The following ZDHHC17 variants were observed in gnomAD, a reference collection of about 807,000 sequenced individuals.
The protein encoded by ZDHHC17 is palmitoyltransferase ZDHHC17.
In ZDHHC17, 40 loss-of-function variants were observed where a neutral mutation model predicts 90.3. That is an observed-to-expected ratio of 0.44 (90% CI 0.34 to 0.58). ZDHHC17 has a LOEUF of 0.58. Among genes scored for constraint, ZDHHC17 ranks in the 20% least tolerant of loss-of-function variants. The pLI, the probability that ZDHHC17 is intolerant of heterozygous loss-of-function variation, is 0.01. For missense variants in ZDHHC17, 614 were observed against 780.8 expected (o/e 0.79, Z 2.55); for synonymous variants, 235 against 252.4 (o/e 0.93, Z 0.65).
intron 7 of ZDHHC17, among the ~76,000 whole-genome samples, chr12:76,818,147 A>G (rs1426274051): frequency 2.0e-5 from 3 of 152,284 alleles, no homozygotes; most frequent in Non-Finnish European, 4.4e-5. Flanking sequence ...AAGTCTAAGG[A>G]ATTATTGTAT....
intron 7 of ZDHHC17, among the ~76,000 whole-genome samples, chr12:76,819,200 T>C (rs1317404482): frequency 6.6e-6 from 1 of 152,156 alleles, no homozygotes; most frequent in African/African-American, 2.4e-5. Context: ...ATGAAGGTGA[T>C]AGGAATTGGT....
At chr12:76,771,841 TG>T (rs1398954503) in intron 1 of ZDHHC17, among the ~76,000 whole-genome samples, 1 of 152,094 alleles carries the variant, frequency 6.6e-6, no homozygotes, top group Non-Finnish European at 1.5e-5. Context: ...GAAACATAGT[TG>T]GGCAAAAAGG....
chr12:76,846,283 T>A (rs375504445), intron 13 of ZDHHC17: 28 of 293,508 alleles, frequency 9.5e-5, no homozygotes, highest in Non-Finnish European at 1.6e-4. Context: ...ATTGTAAAGT[T>A]TATAAAAGTA....
chr12:76,826,197 C>G (rs1953227881), intron 8 of ZDHHC17, among the ~76,000 whole-genome samples: 1 of 152,082 alleles, frequency 6.6e-6, no homozygotes, highest in South Asian at 2.1e-4. Context: ...GTGAAGGGCT[C>G]TTACATGGAA....
rs548424671 is a variant in ZDHHC17 at position 76,805,139 on chromosome 12, A to G, written c.198-178A>G. ...TATAAGTGAGACATTTTAGAACTGT[A>G]AAATGGATTAGTAAAAGTTTTTGGA... On this transcript the variant is annotated intron_variant, in intron 2 of 16. Coordinates refer to ENST00000426126, the MANE Select transcript of ZDHHC17 (RefSeq NM_015336.4). Among the ~76,000 whole-genome samples, 7 of 152,308 alleles carry G rather than the reference A, an allele frequency of 4.6e-5. No individual in the cohort carries two copies. In the East Asian group the frequency reaches 1.3e-3, roughly 29 times the overall value.
At chr12:76,837,883 G>A (rs963974043) in intron 10 of ZDHHC17, among the ~76,000 whole-genome samples, 2 of 152,004 alleles carry the variant, frequency 1.3e-5, no homozygotes, top group African/African-American at 4.8e-5. Flanking sequence ...GAACTGCTGG[G>A]CTTAAGTGAT....
At chr12:76,793,512 T>G (rs149563845) in intron 1 of ZDHHC17, among the ~76,000 whole-genome samples, 5 of 152,360 alleles carry the variant, frequency 3.3e-5, no homozygotes, top group African/African-American at 1.2e-4. Flanking sequence ...AGAGTGAGGC[T>G]CTGCCTCAAA....
chr12:76,766,252 T>C (rs984580399), intron 1 of ZDHHC17, among the ~76,000 whole-genome samples: 32 of 152,316 alleles, frequency 2.1e-4, no homozygotes, highest in African/African-American at 7.0e-4. Context: ...TACCGTTCCT[T>C]TTTACCCAAG....
chr12:76,846,437 T>C, intron 13 of ZDHHC17, 159 bp from the exon 14 acceptor site: 1 of 576,294 alleles, frequency 1.7e-6, no homozygotes, highest in Non-Finnish European at 3.1e-6. Context: ...TTAAGATTTT[T>C]ATTAAAACAT....
chr12:76,781,596 C>T (rs1312879340), intron 1 of ZDHHC17: 2 of 455,854 alleles, frequency 4.4e-6, no homozygotes, highest in South Asian at 1.5e-5. Context: ...CTGTCTTGCC[C>T]TTGCACCTTC....
At chr12:76,771,051 GTAT>G (rs1314900402) in intron 1 of ZDHHC17, among the ~76,000 whole-genome samples, 1 of 151,716 alleles carries the variant, frequency 6.6e-6, no homozygotes, top group Non-Finnish European at 1.5e-5. Flanking sequence ...TCTGATTATA[GTAT>G]TATTTTATGA....
At chr12:76,806,722 A>G (rs775340174) in intron 3 of ZDHHC17, among the ~76,000 whole-genome samples, 1 of 152,180 alleles carries the variant, frequency 6.6e-6, no homozygotes, top group African/African-American at 2.4e-5. Flanking sequence ...CGTGTTTCCC[A>G]GGCTGGTCTC....
chr12:76,789,047 C>T (rs1952729252), intron 1 of ZDHHC17, among the ~76,000 whole-genome samples: 1 of 151,994 alleles, frequency 6.6e-6, no homozygotes, highest in African/African-American at 2.4e-5. Context: ...ACACCCAGTG[C>T]CAGTGAGTTT....
intron 1 of ZDHHC17, among the ~76,000 whole-genome samples, chr12:76,794,836 A>G (rs1952800880): frequency 6.6e-6 from 1 of 152,188 alleles, no homozygotes; most frequent in Admixed American, 6.5e-5. Context: ...TTATGATAGT[A>G]ATCCTCAGAA....
intron 10 of ZDHHC17, among the ~76,000 whole-genome samples, chr12:76,832,248 T>A (rs1279606954): frequency 1.3e-5 from 2 of 152,194 alleles, no homozygotes; most frequent in Non-Finnish European, 2.9e-5. Flanking sequence ...TGGTGCTGAT[T>A]CAGGTACCTT....
intron 1 of ZDHHC17, among the ~76,000 whole-genome samples, chr12:76,776,050 CTTAT>C (rs988140133): frequency 6.6e-6 from 1 of 151,556 alleles, no homozygotes; most frequent in African/African-American, 2.4e-5. Flanking sequence ...ACTTTTTTTC[CTTAT>C]TTGTGTCCTT....
chr12:76,777,356 G>A (rs1409122053), intron 1 of ZDHHC17, among the ~76,000 whole-genome samples: 1 of 152,192 alleles, frequency 6.6e-6, no homozygotes, highest in Non-Finnish European at 1.5e-5. Flanking sequence ...GTTGTTGTGT[G>A]TATCAGTACC....
At chr12:76,837,439 A>G (rs909224193) in intron 10 of ZDHHC17, among the ~76,000 whole-genome samples, 13 of 152,138 alleles carry the variant, frequency 8.5e-5, no homozygotes, top group African/African-American at 2.9e-4. Context: ...AGACTGCAGT[A>G]AGATATGATT....
intron 8 of ZDHHC17, 46 bp downstream of exon 8, chr12:76,822,577 G>C: frequency 7.2e-7 from 1 of 1,386,976 alleles, no homozygotes; most frequent in African/African-American, 1.5e-5. Flanking sequence ...TTTTTGAGAC[G>C]GAGTTTCGCT....
Sources: gnomAD v4.1 joint callset for allele counts (sites outside exome capture counted in the v4.1 genomes callset) on GRCh38, gnomAD v4.1.1 for gene constraint, MANE v1.5 for transcripts, NCBI Gene and HGNC (gene_info 2026-07-23, HGNC 2026-07-21) for gene names.